The following ARMC3 variants were observed in gnomAD, a reference collection of about 807,000 sequenced individuals.
The protein encoded by ARMC3 is armadillo repeat containing 3.
ARMC3 carries 74 observed loss-of-function variants against 90.3 expected under a neutral mutation model. The ratio of observed to expected loss-of-function variants is 0.82; its 90% CI spans 0.68 to 0.99. The LOEUF is 0.99. Among genes scored for constraint, ARMC3 ranks in the 50% least tolerant of loss-of-function variants. The probability of loss-of-function intolerance (pLI) is 0.00; values close to 1 mark genes in which losing one functional copy is unlikely to be tolerated. For synonymous variants in ARMC3, 334 were observed against 361.8 expected (o/e 0.92, Z 0.87); for missense variants, 958 against 1,042.8 (o/e 0.92, Z 1.12).
At chr10:23,028,387 C>T (rs544629112) in intron 16 of ARMC3, among the ~76,000 whole-genome samples, 1 of 152,076 alleles carries the variant, frequency 6.6e-6, no homozygotes, top group South Asian at 2.1e-4. Context: ...AGTATTTGAT[C>T]TTACTTCTTG....
rs374243181 is a variant in ARMC3 at position 23,030,667 on chromosome 10, T to C, written c.2117T>C (p.Val706Ala). Residue 706 changes from valine (V) to alanine (A), a missense_variant, in exon 17 of 19, where the codon GTT becomes GCT. Transcript: ENST00000298032. ...EEEVMVVPKF[V>A]GEGSSDKEWC... Reference sequence around the variant, plus strand: ...GAGGTTATGGTGGTACCAAAATTTGTTGGTGAAGGAAGCTCTGACAAAGAA... The same window carrying C: ...GAGGTTATGGTGGTACCAAAATTTGCTGGTGAAGGAAGCTCTGACAAAGAA... The C allele has an allele frequency of 5.6e-6, 9 of 1,613,748 alleles. No individual in the cohort carries two copies. The African/African-American group carries it at 1.1e-4, about 19-fold the overall frequency.
At chr10:22,949,334 G>A (rs1243736086) in intron 3 of ARMC3, among the ~76,000 whole-genome samples, 1 of 152,080 alleles carries the variant, frequency 6.6e-6, no homozygotes, top group Non-Finnish European at 1.5e-5. Context: ...AATTGACCTA[G>A]ATGTTAGAAT....
chr10:22,943,268 G>T (rs117113438), intron 2 of ARMC3, among the ~76,000 whole-genome samples: 9,306 of 152,056 alleles, frequency 0.061, 396 homozygotes, highest in Middle Eastern at 0.12. Context: ...TGACTTATTT[G>T]ATTTTATTCC....
In ARMC3 at chr10:22,981,488, T is replaced by C. The variant is rs369061764; in HGVS notation, c.1065T>C (p.Asn355=). Reference sequence around the variant, plus strand: ...CAGGCAGCAAAGATTTTTTCAATAATCAGGGTAAGTCAACTGGAAACAATT... The same window carrying C: ...CAGGCAGCAAAGATTTTTTCAATAACCAGGGTAAGTCAACTGGAAACAATT... ...ENSGSKDFFN[N]QGIPQLIQLL... Residue 355 remains asparagine, a synonymous_variant, in exon 9 of 19, where the codon AAT becomes AAC. Coordinates refer to ENST00000298032, the MANE Select transcript of ARMC3 (RefSeq NM_173081.5). 4 of 1,613,528 alleles carry C rather than the reference T, an allele frequency of 2.5e-6. No homozygotes were observed. The highest frequency in any genetic ancestry group is 1.1e-5 in the South Asian group (1 of 90,938).
chr10:22,971,654 T>A (rs751970192), intron 8 of ARMC3, among the ~76,000 whole-genome samples: 41 of 152,260 alleles, frequency 2.7e-4, no homozygotes, highest in Middle Eastern at 6.8e-3. Flanking sequence ...TTAGCCAAGC[T>A]GGTCTTGAAC....
At chr10:22,946,405 AC>A (rs1338430157) in intron 3 of ARMC3, 144 bp downstream of exon 3, 1 of 532,846 alleles carries the variant, frequency 1.9e-6, no homozygotes, top group Non-Finnish European at 3.3e-6. Flanking sequence ...TTAATGCATT[AC>A]CTAAGAGCAA....
chr10:22,945,243 A>C (rs972867002), intron 2 of ARMC3, among the ~76,000 whole-genome samples: 1 of 152,206 alleles, frequency 6.6e-6, no homozygotes, highest in Non-Finnish European at 1.5e-5. Context: ...ATTCCATGAC[A>C]TAGTAAGATG....
chr10:22,968,752 T>A (rs1835553477), intron 8 of ARMC3, among the ~76,000 whole-genome samples: 1 of 152,148 alleles, frequency 6.6e-6, no homozygotes. Context: ...TCTGCCCACT[T>A]TGACTGAGTT....
intron 16 of ARMC3, chr10:23,014,375 C>T (rs2131512916): frequency 7.8e-7 from 1 of 1,276,746 alleles, no homozygotes; most frequent in Non-Finnish European, 1.0e-6. Flanking sequence ...GTAGATTAGC[C>T]ATAGCCCTGT....
intron 16 of ARMC3, among the ~76,000 whole-genome samples, chr10:23,015,218 A>T (rs7080677): frequency 0.87 from 132,913 of 152,174 alleles, 58,426 homozygotes; most frequent in Non-Finnish European, 0.92. Context: ...TAAATTTGAA[A>T]CTCTGTCTCC....
chr10:23,035,134 G>A (rs1351210660), intron 18 of ARMC3, among the ~76,000 whole-genome samples: 3 of 152,156 alleles, frequency 2.0e-5, no homozygotes, highest in African/African-American at 7.2e-5. Flanking sequence ...TTTGCAGACA[G>A]CCACCTTCTT....
intron 10 of ARMC3, among the ~76,000 whole-genome samples, chr10:22,992,570 T>TTCTTAAA (rs1197436370): frequency 6.6e-6 from 1 of 152,198 alleles, no homozygotes; most frequent in Non-Finnish European, 1.5e-5. Context: ...TGTGAAAAAC[T>TTCTTAAA]TCTTAAATAA....
intron 16 of ARMC3, among the ~76,000 whole-genome samples, chr10:23,029,498 TAATTA>T (rs1483820759): frequency 7.2e-5 from 11 of 152,148 alleles, no homozygotes; most frequent in Non-Finnish European, 1.3e-4. Flanking sequence ...TTTGACTCAT[TAATTA>T]GGGAGGGAAC....
intron 10 of ARMC3, among the ~76,000 whole-genome samples, chr10:22,984,722 C>T (rs1486115883): frequency 6.6e-6 from 1 of 152,046 alleles, no homozygotes; most frequent in Non-Finnish European, 1.5e-5. Flanking sequence ...TTAATTGATG[C>T]CAAAAGATCT....
chr10:22,964,238 AAC>A (rs1835351001), intron 7 of ARMC3, among the ~76,000 whole-genome samples: 1 of 152,140 alleles, frequency 6.6e-6, no homozygotes, highest in African/African-American at 2.4e-5. Context: ...AAAAATATAA[AAC>A]ACTTTTTAAA....
At chr10:22,943,403 G>A (rs1190147924) in intron 2 of ARMC3, among the ~76,000 whole-genome samples, 1 of 151,922 alleles carries the variant, frequency 6.6e-6, no homozygotes, top group Non-Finnish European at 1.5e-5. Flanking sequence ...CTGGCAGTGT[G>A]GAACTTTGGT....
At chr10:22,939,691 G>A (rs1221208076) in intron 2 of ARMC3, among the ~76,000 whole-genome samples, 1 of 151,998 alleles carries the variant, frequency 6.6e-6, no homozygotes, top group Non-Finnish European at 1.5e-5. Context: ...GCCCCCAAAA[G>A]AATCTAGATG....
intron 2 of ARMC3, among the ~76,000 whole-genome samples, chr10:22,937,783 G>T (rs1165218086): frequency 6.6e-6 from 1 of 152,068 alleles, no homozygotes; most frequent in East Asian, 1.9e-4. Flanking sequence ...GTTTCCAGGG[G>T]CACTTTAATA....
In ARMC3 at chr10:22,963,663, G is replaced by T. The variant is rs79531599; in HGVS notation, c.732+1585G>T. 6.8e-4 allele frequency among the ~76,000 whole-genome samples: 103 copies of T among 151,946 alleles called. No homozygotes were observed. The East Asian group carries it at 0.017, about 26-fold the overall frequency. On this transcript the variant is annotated intron_variant, in intron 7 of 18. Coordinates refer to ENST00000298032, the MANE Select transcript of ARMC3 (RefSeq NM_173081.5). ...TCCCAGCACTTTGGGAGGCTGAGGT[G>T]GGTGGATCACAAGGTCAGGAGATCG...
Sources: gnomAD v4.1 joint callset for allele counts (sites outside exome capture counted in the v4.1 genomes callset) on GRCh38, gnomAD v4.1.1 for gene constraint, MANE v1.5 for transcripts, NCBI Gene and HGNC (gene_info 2026-07-23, HGNC 2026-07-21) for gene names.